The following NRG3 variants were observed in gnomAD, a reference collection of about 807,000 sequenced individuals.
NRG3 encodes pro-neuregulin-3, membrane-bound isoform.
In NRG3, 31 loss-of-function variants were observed where a neutral mutation model predicts 66.9. The ratio of observed to expected loss-of-function variants is 0.46; its 90% CI spans 0.35 to 0.63. The LOEUF (loss-of-function observed/expected upper bound fraction) is 0.63, where lower values mean the gene tolerates loss of function less well. Among genes scored for constraint, NRG3 ranks in the 20% least tolerant of loss-of-function variants. NRG3 has a pLI of 0.00. For missense variants in NRG3, 910 were observed against 878.9 expected, an observed-to-expected ratio of 1.04 and a Z score of -0.45; for synonymous variants, 393 against 359.4, an observed-to-expected ratio of 1.09 and a Z score of -1.06.
intron 1 of NRG3, among the ~76,000 whole-genome samples, chr10:82,306,234 G>A (rs7097290): frequency 0.46 from 69,653 of 151,952 alleles, 19,252 homozygotes; most frequent in African/African-American, 0.78. Context: ...GCTGCATTCA[G>A]TTTGCTGATA....
chr10:82,569,870 T>A (rs1267419660), intron 2 of NRG3, among the ~76,000 whole-genome samples: 1 of 151,714 alleles, frequency 6.6e-6, no homozygotes, highest in Non-Finnish European at 1.5e-5. Context: ...TACTAACATG[T>A]CTCAAGCATA....
intron 1 of NRG3, among the ~76,000 whole-genome samples, chr10:81,885,891 C>T (rs544462118): frequency 6.6e-6 from 1 of 152,006 alleles, no homozygotes; most frequent in Non-Finnish European, 1.5e-5. Context: ...TCTAGAGACA[C>T]CAGAATTTTT....
intron 1 of NRG3, among the ~76,000 whole-genome samples, chr10:82,120,319 C>A (rs2068003614): frequency 6.6e-6 from 1 of 152,078 alleles, no homozygotes; most frequent in Non-Finnish European, 1.5e-5. Flanking sequence ...GAAATGGTTT[C>A]TTTTACTGGA....
At chr10:82,978,341 T>C (rs1267232915) in intron 7 of NRG3, among the ~76,000 whole-genome samples, 3 of 152,170 alleles carry the variant, frequency 2.0e-5, no homozygotes, top group Non-Finnish European at 4.4e-5. Context: ...GATGTATGAG[T>C]CAAATAAAAT....
At chr10:82,439,742 G>C (rs946171864) in intron 2 of NRG3, among the ~76,000 whole-genome samples, 1 of 151,664 alleles carries the variant, frequency 6.6e-6, no homozygotes, top group Non-Finnish European at 1.5e-5. Context: ...TGTGTTCTTG[G>C]AATAAAATTA....
At chr10:81,926,645 T>G (rs1033162665) in intron 1 of NRG3, among the ~76,000 whole-genome samples, 4 of 152,218 alleles carry the variant, frequency 2.6e-5, no homozygotes, top group Non-Finnish European at 5.9e-5. Flanking sequence ...CTTCCCAATC[T>G]TTTATTGTGG....
intron 2 of NRG3, among the ~76,000 whole-genome samples, chr10:82,441,775 A>C (rs2090445693): frequency 6.6e-6 from 1 of 152,326 alleles, no homozygotes; most frequent in Non-Finnish European, 1.5e-5. Flanking sequence ...GGGAATCTTC[A>C]CCACATCATC....
At chr10:82,240,074 G>T (rs1048554230) in intron 1 of NRG3, among the ~76,000 whole-genome samples, 1 of 151,834 alleles carries the variant, frequency 6.6e-6, no homozygotes, top group Admixed American at 6.6e-5. Flanking sequence ...AGTCTGTAAA[G>T]GCACATTTCC....
chr10:82,096,970 A>C (rs2066389648), intron 1 of NRG3, among the ~76,000 whole-genome samples: 2 of 152,168 alleles, frequency 1.3e-5, no homozygotes, highest in African/African-American at 4.8e-5. Context: ...CATACAGTAA[A>C]ATTCCCTTTT....
intron 3 of NRG3, among the ~76,000 whole-genome samples, chr10:82,767,044 A>G (rs988797355): frequency 6.7e-6 from 1 of 149,944 alleles, no homozygotes; most frequent in African/African-American, 2.4e-5. Flanking sequence ...TATAAGGATG[A>G]TATATATAAA....
chr10:82,402,345 G>C (rs2087162050), intron 2 of NRG3, among the ~76,000 whole-genome samples: 1 of 152,106 alleles, frequency 6.6e-6, no homozygotes, highest in Non-Finnish European at 1.5e-5. Context: ...AGAAAATAAA[G>C]TCATGTCTAT....
At chr10:82,474,342 A>G (rs1248773452) in intron 2 of NRG3, among the ~76,000 whole-genome samples, 1 of 152,172 alleles carries the variant, frequency 6.6e-6, no homozygotes, top group African/African-American at 2.4e-5. Flanking sequence ...GGAGCTAAAG[A>G]AAAACATGAA....
chr10:82,174,409 C>G (rs1156908022), intron 1 of NRG3, among the ~76,000 whole-genome samples: 1 of 152,034 alleles, frequency 6.6e-6, no homozygotes. Context: ...TTTTGCCCAT[C>G]ATTAAGCCAA....
At chr10:82,619,737 CCT>C (rs985530333) in intron 2 of NRG3, among the ~76,000 whole-genome samples, 2 of 151,992 alleles carry the variant, frequency 1.3e-5, no homozygotes, top group African/African-American at 4.8e-5. Context: ...TGACTGGTGT[CCT>C]TTAAGAAGTG....
intron 2 of NRG3, among the ~76,000 whole-genome samples, chr10:82,408,046 C>CGAGA (rs536927208): frequency 0.014 from 741 of 54,348 alleles, 35 homozygotes; most frequent in South Asian, 0.029. Context: ...AAGACTACAT[C>CGAGA]GAGAGAGAGA....
chr10:82,952,938 A>G (rs1463233274), intron 5 of NRG3, among the ~76,000 whole-genome samples: 1 of 152,052 alleles, frequency 6.6e-6, no homozygotes, highest in Admixed American at 6.5e-5. Context: ...GACAGTTTCT[A>G]TATACCTTAG....
At chr10:82,337,113 C>G (rs528903253) in intron 1 of NRG3, among the ~76,000 whole-genome samples, 1 of 152,016 alleles carries the variant, frequency 6.6e-6, no homozygotes, top group Non-Finnish European at 1.5e-5. Context: ...AAACTGGAAA[C>G]ATAAAAAAGG....
intron 2 of NRG3, among the ~76,000 whole-genome samples, chr10:82,409,116 G>T (rs2087848514): frequency 6.6e-6 from 1 of 152,118 alleles, no homozygotes; most frequent in East Asian, 1.9e-4. Context: ...AAAAACTATG[G>T]AAGGTTTACG....
chr10:81,881,111 C>G (rs759247206), intron 1 of NRG3, among the ~76,000 whole-genome samples: 4 of 151,976 alleles, frequency 2.6e-5, no homozygotes, highest in African/African-American at 4.8e-5. Context: ...TTCCTGTACT[C>G]CCACCTGCCA....
Sources: gnomAD v4.1 joint callset for allele counts (sites outside exome capture counted in the v4.1 genomes callset) on GRCh38, gnomAD v4.1.1 for gene constraint, MANE v1.5 for transcripts, NCBI Gene and HGNC (gene_info 2026-07-23, HGNC 2026-07-21) for gene names.